Variants in ABLIM1 observed in about 807,000 individuals in gnomAD.
ABLIM1 encodes actin binding LIM protein 1.
ABLIM1 carries 40 observed loss-of-function variants against 107.0 expected under a neutral mutation model. That is an observed-to-expected ratio of 0.37 (90% CI 0.29 to 0.49). The LOEUF (loss-of-function observed/expected upper bound fraction) is 0.49. Ranked by LOEUF, ABLIM1 falls within the 20% of genes least tolerant of loss-of-function variation. The probability of loss-of-function intolerance (pLI) is 0.97; values close to 1 mark genes in which losing one functional copy is unlikely to be tolerated. For missense variants in ABLIM1, 857 were observed against 1,008.5 expected, an observed-to-expected ratio of 0.85 and a Z score of 2.04; for synonymous variants, 357 against 357.3, an observed-to-expected ratio of 1.00 and a Z score of 0.01.
At chr10:114,704,302 C>CTCTCTCTATATATATATATATATATATA (rs1380460034) in intron 1 of ABLIM1, among the ~76,000 whole-genome samples, 1 of 43,090 alleles carries the variant, frequency 2.3e-5, no homozygotes, top group Non-Finnish European at 4.7e-5. Context: ...CTCTCTCTCT[C>CTCTCTCTATATATATATATATATATATA]TATATATATA....
At chr10:114,681,415 G>A (rs188195134) in intron 1 of ABLIM1, among the ~76,000 whole-genome samples, 78 of 152,168 alleles carry the variant, frequency 5.1e-4, no homozygotes, top group Admixed American at 9.2e-4. Context: ...GTCTGGTCTC[G>A]AACTTCTGAC....
chr10:114,485,343 TAAAAG>T, intron 8 of ABLIM1: 1 of 1,613,108 alleles, frequency 6.2e-7, no homozygotes, highest in Non-Finnish European at 8.5e-7. Context: ...ACTTTTGGAA[TAAAAG>T]AAATCGGATG....
chr10:114,461,536 C>T (rs1038885349), intron 12 of ABLIM1, among the ~76,000 whole-genome samples: 1 of 151,864 alleles, frequency 6.6e-6, no homozygotes, highest in Admixed American at 6.6e-5. Flanking sequence ...AATAATCTGT[C>T]GGCTGAGCAT....
chr10:114,705,847 G>A (rs750477978), intron 1 of ABLIM1, among the ~76,000 whole-genome samples: 1 of 152,180 alleles, frequency 6.6e-6, no homozygotes, highest in Non-Finnish European at 1.5e-5. Flanking sequence ...GTTTTATGTG[G>A]AGAAGACTAC....
intron 17 of ABLIM1, 52 bp from the exon 18 acceptor site, chr10:114,441,838 T>A (rs751001897): frequency 2.6e-6 from 4 of 1,518,772 alleles, no homozygotes; most frequent in Non-Finnish European, 3.7e-6. Flanking sequence ...GAAGGTCCAA[T>A]CCTTTAATGA....
At chr10:114,720,431 T>A (rs1370765417) in intron 1 of ABLIM1, among the ~76,000 whole-genome samples, 1 of 152,178 alleles carries the variant, frequency 6.6e-6, no homozygotes, top group African/African-American at 2.4e-5. Flanking sequence ...TGGTTCTAGG[T>A]CTTTGAGGAA....
chr10:114,547,888 T>C, intron 4 of ABLIM1, 112 bp from the exon 5 acceptor site: 1 of 1,368,260 alleles, frequency 7.3e-7, no homozygotes, highest in South Asian at 1.4e-5. Flanking sequence ...CAATATTTAC[T>C]CAAGCACCAT....
intron 14 of ABLIM1, 32 bp downstream of exon 14, chr10:114,451,592 T>G (rs773707466): frequency 6.3e-7 from 1 of 1,597,746 alleles, no homozygotes; most frequent in South Asian, 1.1e-5. Context: ...ACTTTGCTAT[T>G]TAAAAGCTAC....
chr10:114,781,655 TATATGC>T, the ABLIM1 span, among the ~76,000 whole-genome samples: 1 of 70,258 alleles, frequency 1.4e-5, no homozygotes, highest in South Asian at 4.6e-4. Flanking sequence ...TGTGTATATA[TATATGC>T]GTGTATATAT....
intron 1 of ABLIM1, among the ~76,000 whole-genome samples, chr10:114,751,838 C>T (rs117921325): frequency 0.011 from 1,729 of 152,090 alleles, 23 homozygotes; most frequent in Non-Finnish European, 0.016. Context: ...ATTACAAGTG[C>T]TCCCTTTCAC....
chr10:114,791,905 A>G, the ABLIM1 span, among the ~76,000 whole-genome samples: 1 of 152,244 alleles, frequency 6.6e-6, no homozygotes, highest in Non-Finnish European at 1.5e-5. Context: ...TGTAACATGT[A>G]TTAAGCACTT....
chr10:114,631,547 T>C (rs749093111), intron 1 of ABLIM1, among the ~76,000 whole-genome samples: 1 of 151,942 alleles, frequency 6.6e-6, no homozygotes, highest in Non-Finnish European at 1.5e-5. Context: ...ATTAACTTAT[T>C]GATTGGTGGG....
chr10:114,485,418 G>A (rs369165039), intron 8 of ABLIM1: 8 of 1,533,016 alleles, frequency 5.2e-6, no homozygotes, highest in Non-Finnish European at 1.8e-6. Context: ...AACGAACACA[G>A]AAATAGCCTC....
chr10:114,471,670 T>TA (rs1311953258), intron 10 of ABLIM1, among the ~76,000 whole-genome samples: 1 of 151,780 alleles, frequency 6.6e-6, no homozygotes, highest in Non-Finnish European at 1.5e-5. Flanking sequence ...ACAATATATA[T>TA]AAAATAAAAA....
At chr10:114,704,334 A>AC (rs1342719737) in intron 1 of ABLIM1, among the ~76,000 whole-genome samples, 625 of 61,804 alleles carry the variant, frequency 0.01, 9 homozygotes, top group Non-Finnish European at 0.016. Flanking sequence ...ATATATATAT[A>AC]TTGCGCGCGT....
At chr10:114,675,015 G>A (rs1032369225) in intron 1 of ABLIM1, among the ~76,000 whole-genome samples, 10 of 152,044 alleles carry the variant, frequency 6.6e-5, no homozygotes, top group Admixed American at 1.3e-4. Context: ...ATGGTAGAAA[G>A]TCCTCTGTAT....
At chr10:114,574,096 A>T (rs1016400585) in intron 3 of ABLIM1, among the ~76,000 whole-genome samples, 3 of 152,202 alleles carry the variant, frequency 2.0e-5, no homozygotes, top group Admixed American at 6.5e-5. Context: ...TTGTTAATTA[A>T]TTACACAATA....
At chr10:114,663,889 C>T (rs781029329) in intron 1 of ABLIM1, among the ~76,000 whole-genome samples, 5 of 152,198 alleles carry the variant, frequency 3.3e-5, no homozygotes, top group African/African-American at 4.8e-5. Context: ...CCTGCCTGCT[C>T]CAGGTTCCCC....
At chr10:114,779,018 C>T in the ABLIM1 span, 1 of 152,146 alleles carries the variant, frequency 6.6e-6, no homozygotes, top group Non-Finnish European at 1.5e-5. Context: ...TAGGTAATAG[C>T]AGGAGCATTA....
Sources: allele counts gnomAD v4.1 joint callset (sites outside exome capture counted in the v4.1 genomes callset), GRCh38; gene constraint gnomAD v4.1.1; transcripts MANE v1.5; gene names NCBI Gene and HGNC (gene_info 2026-07-23, HGNC 2026-07-21).